The following IGDCC3 variants were observed in gnomAD, a reference collection of about 807,000 sequenced individuals.
The protein encoded by IGDCC3 is putative neuronal cell adhesion molecule.
In IGDCC3, 47 loss-of-function variants were observed where a neutral mutation model predicts 72.0. That is an observed-to-expected ratio of 0.65 (90% CI 0.52 to 0.83). IGDCC3 has a LOEUF of 0.83. Ranked by LOEUF, IGDCC3 falls within the 40% of genes least tolerant of loss-of-function variation. The pLI is 0.00. For synonymous variants in IGDCC3, 477 were observed against 472.8 expected (o/e 1.01, Z -0.11); for missense variants, 1,038 against 1,091.3 (o/e 0.95, Z 0.69).
rs543911320 is a variant in IGDCC3 at position 65,339,050 on chromosome 15, G to A, written c.410-3094C>T. On this transcript the variant is annotated intron_variant, in intron 2 of 13. Coordinates refer to ENST00000327987, the MANE Select transcript of IGDCC3 (RefSeq NM_004884.4). The surrounding 1 kb of genome is among the most constrained non-coding windows in gnomAD (Gnocchi z 4.1). Reference sequence around the variant, plus strand: ...CCTGAGGAGCTGGGACCACAAGCGCGCACCACCACGCCCAGCTAATTTTTT... The same window carrying A: ...CCTGAGGAGCTGGGACCACAAGCGCACACCACCACGCCCAGCTAATTTTTT... 2.6e-5 allele frequency among the ~76,000 whole-genome samples: 4 copies of A among 151,874 alleles called. No homozygotes were observed. The highest frequency in any genetic ancestry group is 3.9e-4 in the East Asian group (2 of 5,160).
chr15:65,332,508 C>T (rs1241813067), intron 6 of IGDCC3, among the ~76,000 whole-genome samples: 1 of 152,208 alleles, frequency 6.6e-6, no homozygotes, highest in Non-Finnish European at 1.5e-5. Context: ...CCCCCTCGCC[C>T]CCACATTCAA....
intron 2 of IGDCC3, chr15:65,355,678 C>CCCCCCAAAA: frequency 6.7e-6 from 2 of 299,226 alleles, no homozygotes; most frequent in South Asian, 2.4e-5. Context: ...GCCCCTCCCG[C>CCCCCCAAAA]ATAGCAATAG....
At chr15:65,335,647 C>T (rs2091021919) in intron 3 of IGDCC3, among the ~76,000 whole-genome samples, 165 bp downstream of exon 3, 1 of 152,134 alleles carries the variant, frequency 6.6e-6, no homozygotes, top group Non-Finnish European at 1.5e-5. Flanking sequence ...TGGGCCCAGC[C>T]AGTCATGTGG....
At position 65,335,437 on chromosome 15, in the gene IGDCC3, A is replaced by G. The variant is rs1555430521; in HGVS notation, c.555-16T>C. ...CAATGTGTACCTGTTGAGGGGAGGG[A>G]CATAGTTGGCCACCAGCACAGCCAT... is the stretch of plus-strand genomic sequence containing the variant. On this transcript the variant is annotated splice_polypyrimidine_tract_variant and intron_variant, in intron 3 of 13. Coordinates refer to ENST00000327987, the MANE Select transcript of IGDCC3 (RefSeq NM_004884.4). 2 of 1,597,566 alleles carry G rather than the reference A, an allele frequency of 1.3e-6. No individual in the cohort carries two copies. Among genetic ancestry groups the G allele is most frequent in the Admixed American group, 3.5e-5 (2 of 56,982 alleles).
chr15:65,334,147 G>A (rs1354515524), intron 5 of IGDCC3, among the ~76,000 whole-genome samples: 1 of 152,038 alleles, frequency 6.6e-6, no homozygotes. Flanking sequence ...CCCTGTGAAT[G>A]CGGTGCCCCA....
Position 65,329,158 on chromosome 15 carries a change from G to A in IGDCC3, c.2206-10C>T, listed in dbSNP as rs1176772972. 2 of 1,599,742 alleles carry A rather than the reference G, an allele frequency of 1.3e-6. No individual in the cohort carries two copies. Among genetic ancestry groups the A allele is most frequent in the Non-Finnish European group, 1.7e-6 (2 of 1,174,208 alleles). ...GGGCTGCAGGATCCTGCTGGGGAAA[G>A]AGCCCGTCACACAGGCGTCAGCTTG... is the stretch of plus-strand genomic sequence containing the variant. On this transcript the variant is annotated splice_polypyrimidine_tract_variant and intron_variant, in intron 13 of 13. Transcript: ENST00000327987. The surrounding 1 kb of genome is among the most constrained non-coding windows in gnomAD (Gnocchi z 4.1).
intron 2 of IGDCC3, among the ~76,000 whole-genome samples, chr15:65,350,608 C>T (rs1295750125): frequency 2.6e-5 from 4 of 151,980 alleles, no homozygotes; most frequent in Non-Finnish European, 2.9e-5. Context: ...ATTACAGGTG[C>T]GTGCCACCAG....
At chr15:65,335,765 C>G in intron 3 of IGDCC3, 47 bp downstream of exon 3, 2 of 1,608,152 alleles carry the variant, frequency 1.2e-6, no homozygotes, top group East Asian at 2.2e-5. Flanking sequence ...GCCAGAGTCA[C>G]TGGCCACCTC....
chr15:65,343,746 C>T (rs1212345389), intron 2 of IGDCC3, among the ~76,000 whole-genome samples: 2 of 152,190 alleles, frequency 1.3e-5, no homozygotes, highest in African/African-American at 4.8e-5. Context: ...CAAGATGGCC[C>T]CTGGAGGGCA....
intron 2 of IGDCC3, among the ~76,000 whole-genome samples, chr15:65,356,546 G>C (rs968296908): frequency 2.0e-5 from 3 of 152,058 alleles, no homozygotes; most frequent in Non-Finnish European, 4.4e-5. Flanking sequence ...GCTCAACTTA[G>C]AAATCAATCA....
At chr15:65,370,826 G>C (rs1007850392) in intron 2 of IGDCC3, among the ~76,000 whole-genome samples, 1 of 151,840 alleles carries the variant, frequency 6.6e-6, no homozygotes, top group Non-Finnish European at 1.5e-5. Flanking sequence ...GTCTTGCTCT[G>C]TTGCCCAGGT....
rs1462233653 is a variant in IGDCC3 at position 65,329,016 on chromosome 15, C to T, written c.2338G>A (p.Ala780Thr). 2 of 1,612,188 alleles carry T rather than the reference C, an allele frequency of 1.2e-6. No homozygotes were observed. Among genetic ancestry groups the T allele is most frequent in the Non-Finnish European group, 1.7e-6 (2 of 1,179,426 alleles). ...CCATCTGGGGGTGGTGGGGCAGCCG[C>T]CAGGCCGGCGCAGGGAGCCGTGGCC... is the stretch of plus-strand genomic sequence containing the variant. ...TEATAPCAGLAAAPPPPDGGP... is the reference protein window; with the variant it reads ...TEATAPCAGLTAAPPPPDGGP... The change falls in exon 14 of 14, where the codon GCG (alanine) becomes ACG (threonine). Residue 780 changes from alanine (A) to threonine (T), a missense_variant. Physicochemically the swap from Ala to Thr is moderately conservative, Grantham distance 58. Coordinates refer to ENST00000327987, the MANE Select transcript of IGDCC3 (RefSeq NM_004884.4). This position sits in a 1 kb window ranked among gnomAD's most constrained non-coding sequence, Gnocchi z 4.1.
Position 65,328,692 on chromosome 15 carries a change from C to T in IGDCC3, c.*217G>A, listed in dbSNP as rs372914569. 150 of 431,318 alleles carry T rather than the reference C, an allele frequency of 3.5e-4. 2 individuals carry two copies. In the South Asian group the frequency reaches 0.015, roughly 43 times the overall value. The allele number at this position is 431,318 out of a possible 1,614,324, so 26.7% of individuals were successfully genotyped here. A position where few individuals can be genotyped will look rare whatever the true frequency, so the allele number is the denominator to read the frequency against. ...AGGGGGCGTCAGCCCAGGGAAGGAA[C>T]AGGCTCCTGCAGGAACTGCTCCAAC... On this transcript the variant is annotated 3_prime_UTR_variant, in exon 14 of 14. Coordinates refer to ENST00000327987, the MANE Select transcript of IGDCC3 (RefSeq NM_004884.4).
chr15:65,331,212 G>C lies in IGDCC3; in HGVS notation c.1399C>G (p.Pro467Ala), dbSNP rs779361046. The change falls in exon 9 of 14, where the codon CCA becomes GCA. Residue 467 changes from proline (P) to alanine (A), a missense_variant and splice_region_variant. By Grantham distance (27) the Pro-to-Ala change is conservative. Coordinates refer to ENST00000327987, the MANE Select transcript of IGDCC3 (RefSeq NM_004884.4). ...GCCTCCTGATACTCCAGCTCCGGTG[G>C]GTCTGGAGAGGCACAGGGTGGGCAG... ...YVLHIRKAAD[P>A]PELEYQEAVS... 1.4e-5 allele frequency: 23 copies of C among 1,613,840 alleles called. No homozygotes were observed. The South Asian group carries it at 2.5e-4, about 18-fold the overall frequency.
Position 65,332,038 on chromosome 15 carries a change from A to G in IGDCC3, c.1051T>C (p.Cys351Arg). The G allele has an allele frequency of 6.2e-7, 1 of 1,614,192 alleles. No homozygotes were observed. The highest frequency in any genetic ancestry group is 1.1e-5 in the South Asian group (1 of 91,082). ...GGCGGTGGCTCACCCTGGGCTTGGC[A>G]GGTGAACATGGCTGTGGTCCCAGCT... The part of the protein sequence containing the change: ...RPAGTTAMFT[C>R]QAQGEPPPHV... Residue 351 changes from cysteine (C) to arginine (R), a missense_variant, in exon 7 of 14, where the codon TGC becomes CGC. Cys to Arg is a radical substitution (Grantham distance 180). Coordinates refer to ENST00000327987, the MANE Select transcript of IGDCC3 (RefSeq NM_004884.4).
In IGDCC3 at chr15:65,336,306, C is replaced by G. The variant is rs372695656; in HGVS notation, c.410-350G>C. On this transcript the variant is annotated intron_variant, in intron 2 of 13. Coordinates refer to ENST00000327987, the MANE Select transcript of IGDCC3 (RefSeq NM_004884.4). Reference sequence around the variant, plus strand: ...CCCATGAAGGCCAATCAGACAAAGCCCTGCTCCCGAGCCCCACACCCCACT... The same window carrying G: ...CCCATGAAGGCCAATCAGACAAAGCGCTGCTCCCGAGCCCCACACCCCACT... Among the ~76,000 whole-genome samples the G allele has an allele frequency of 1.5e-4, 23 of 151,478 alleles. No individual in the cohort carries two copies. In the East Asian group the frequency reaches 3.1e-3, roughly 21 times the overall value.
At position 65,332,069 on chromosome 15, in the gene IGDCC3, G is replaced by A; in HGVS notation, c.1020C>T (p.Ser340=). ...ACATGGCTGTGGTCCCAGCTGGCCTGGAGATGGACTGGGGATGCTGCACAA... is the reference window on the plus strand; with the variant it reads ...ACATGGCTGTGGTCCCAGCTGGCCTAGAGATGGACTGGGGATGCTGCACAA... The part of the protein sequence containing the change: ...AEFVQHPQSI[S]RPAGTTAMFT... The change falls in exon 7 of 14, where the codon TCC becomes TCT. Residue 340 remains serine (S), a synonymous_variant. Coordinates refer to ENST00000327987, the MANE Select transcript of IGDCC3 (RefSeq NM_004884.4). The A allele has an allele frequency of 6.2e-7, 1 of 1,614,114 alleles. No individual in the cohort carries two copies. The highest frequency in any genetic ancestry group is 8.5e-7 in the Non-Finnish European group (1 of 1,180,012).
In IGDCC3 at chr15:65,330,753, G is replaced by A; in HGVS notation, c.1562-12C>T. 4 of 1,588,206 alleles carry A rather than the reference G, an allele frequency of 2.5e-6. No individual in the cohort carries two copies. Among genetic ancestry groups the A allele is most frequent in the Non-Finnish European group, 2.6e-6 (3 of 1,164,794 alleles). The stretch of plus-strand genomic sequence containing the variant: ...GGGTGGGGCAGGGGCTGCAGGTAGA[G>A]AAGGAGGCCACGATGTGAGGACCCA... On this transcript the variant is annotated splice_polypyrimidine_tract_variant and intron_variant, in intron 9 of 13. Transcript: ENST00000327987.
At chr15:65,333,488 C>G in intron 5 of IGDCC3, 73 bp from the exon 6 acceptor site, 1 of 1,410,056 alleles carries the variant, frequency 7.1e-7, no homozygotes, top group South Asian at 1.4e-5. Context: ...AAGGAAACTT[C>G]CAGATGGCTT....
Sources: allele counts gnomAD v4.1 joint callset (sites outside exome capture counted in the v4.1 genomes callset), GRCh38; gene constraint gnomAD v4.1.1; non-coding constraint Gnocchi (gnomAD v3.1); transcripts MANE v1.5; gene names NCBI Gene and HGNC (gene_info 2026-07-23, HGNC 2026-07-21).